Variants in ALK observed in about 807,000 individuals in gnomAD.
ALK encodes ALK receptor tyrosine kinase.
Under a neutral mutation model 163.1 loss-of-function variants are expected in ALK, and 74 were observed. The ratio of observed to expected loss-of-function variants is 0.45; its 90% CI spans 0.38 to 0.55. The LOEUF is 0.55. ALK is among the 20% of genes least tolerant of loss of function. ALK has a pLI of 0.00. For missense variants in ALK, 2,063 were observed against 2,105.3 expected (o/e 0.98, Z 0.39); for synonymous variants, 960 against 843.2 (o/e 1.14, Z -2.40).
intron 2 of ALK, among the ~76,000 whole-genome samples, chr2:29,697,188 G>A (rs111852265): frequency 2.0e-4 from 30 of 152,244 alleles, no homozygotes; most frequent in African/African-American, 6.7e-4. Context: ...ATAAGGGAAA[G>A]GCCATAGGTA....
chr2:29,386,443 A>T (rs560527438), intron 4 of ALK, among the ~76,000 whole-genome samples: 1 of 152,370 alleles, frequency 6.6e-6, no homozygotes, highest in African/African-American at 2.4e-5. Context: ...AGTGGTTCTT[A>T]AGGAGATAAA....
chr2:29,858,053 G>A (rs1174666773), intron 1 of ALK, among the ~76,000 whole-genome samples: 2 of 58,988 alleles, frequency 3.4e-5, no homozygotes, highest in Non-Finnish European at 8.4e-5. Context: ...GTGTATGTGT[G>A]TGTGCATGTG....
At chr2:29,245,850 C>T (rs1457835745) in intron 12 of ALK, among the ~76,000 whole-genome samples, 1 of 152,084 alleles carries the variant, frequency 6.6e-6, no homozygotes, top group Non-Finnish European at 1.5e-5. Context: ...ACAGTTGGGG[C>T]TCCATGGCTC....
chr2:29,822,524 A>C (rs1263911652), intron 1 of ALK, among the ~76,000 whole-genome samples: 1 of 152,222 alleles, frequency 6.6e-6, no homozygotes, highest in Non-Finnish European at 1.5e-5. Context: ...TTCAGCCAGC[A>C]GTGGCTATGA....
rs1669743213 is a variant in ALK, at chr2:29,412,285, A to G, written c.1155-28426T>C. ...ACTTCTCCATTTCACTGAGACAGCA[A>G]TTCAGGAAGGCATCTTGGAGGAGGA... is the stretch of plus-strand genomic sequence containing the variant. On this transcript the variant is annotated intron_variant, in intron 4 of 28. Coordinates refer to ENST00000389048, the MANE Select transcript of ALK (RefSeq NM_004304.5). 2.0e-5 allele frequency among the ~76,000 whole-genome samples: 3 copies of G among 152,200 alleles called. No homozygotes were observed. The South Asian group carries it at 6.2e-4, about 31-fold the overall frequency.
At chr2:29,474,808 GT>G (rs1671462894) in intron 4 of ALK, among the ~76,000 whole-genome samples, 1 of 146,804 alleles carries the variant, frequency 6.8e-6, no homozygotes, top group Non-Finnish European at 1.5e-5. Context: ...TGCGATATAA[GT>G]GGGGGAGAGG....
At chr2:29,754,040 A>C (rs1412615150) in intron 1 of ALK, among the ~76,000 whole-genome samples, 2 of 152,180 alleles carry the variant, frequency 1.3e-5, no homozygotes. Flanking sequence ...GGAAAAAAAA[A>C]ATCCAAACAA....
Position 29,629,762 on chromosome 2 carries a change from C to G in ALK, c.952+65088G>C, listed in dbSNP as rs184067343. 2.0e-4 allele frequency among the ~76,000 whole-genome samples: 31 copies of G among 152,256 alleles called. No individual in the cohort carries two copies. In the East Asian group the frequency reaches 4.6e-3, roughly 23 times the overall value. ...CTTGGCTAATCCTGACAGCAACCCT[C>G]TGAGGTACAGACAGTTATTAGTCTC... is the stretch of plus-strand genomic sequence containing the variant. On this transcript the variant is annotated intron_variant, in intron 3 of 28. Transcript: ENST00000389048.
chr2:29,649,843 C>T (rs996733345), intron 3 of ALK, among the ~76,000 whole-genome samples: 1 of 152,128 alleles, frequency 6.6e-6, no homozygotes, highest in Non-Finnish European at 1.5e-5. Context: ...ACTTTGGCCC[C>T]CCATGGCCTG....
chr2:29,866,379 A>G (rs1666434852), intron 1 of ALK, among the ~76,000 whole-genome samples: 1 of 152,176 alleles, frequency 6.6e-6, no homozygotes, highest in South Asian at 2.1e-4. Flanking sequence ...GCAACTCGAC[A>G]CGCAATGCTC....
chr2:29,447,737 C>A (rs573586751), intron 4 of ALK, among the ~76,000 whole-genome samples: 2 of 152,280 alleles, frequency 1.3e-5, no homozygotes, highest in South Asian at 4.1e-4. Flanking sequence ...CACAGGCCCT[C>A]CAGGTAGCTC....
intron 24 of ALK, among the ~76,000 whole-genome samples, chr2:29,210,998 G>GA (rs1486226608): frequency 2.0e-5 from 3 of 152,136 alleles, no homozygotes; most frequent in Non-Finnish European, 4.4e-5. Context: ...TCCTGTGCAG[G>GA]AAAAAACAAG....
intron 4 of ALK, among the ~76,000 whole-genome samples, chr2:29,510,410 T>A (rs950574680): frequency 1.3e-5 from 2 of 152,112 alleles, no homozygotes; most frequent in East Asian, 1.9e-4. Context: ...GCATAAAACA[T>A]GGCCCCAAAA....
rs1000960289 is a variant in ALK at position 29,921,300 on chromosome 2, C to T, written c.-641G>A. The T allele has an allele frequency of 8.6e-6, 2 of 233,408 alleles. No individual in the cohort carries two copies. Among genetic ancestry groups the T allele is most frequent in the Non-Finnish European group, 1.7e-5 (2 of 118,156 alleles). The allele number at this position is 233,408 out of a possible 1,614,324, so 14.5% of individuals were successfully genotyped here. A position where few individuals can be genotyped will look rare whatever the true frequency, so the allele number is the denominator to read the frequency against. On this transcript the variant is annotated 5_prime_UTR_variant, in exon 1 of 29. Transcript: ENST00000389048. Reference sequence around the variant, plus strand: ...GAACTTCTGGGCGTGAATCCCAGCCCCCGCGCTGCGCAAGTTTGCAGCGTC... The same window carrying T: ...GAACTTCTGGGCGTGAATCCCAGCCTCCGCGCTGCGCAAGTTTGCAGCGTC...
chr2:29,440,778 T>C (rs1429524813), intron 4 of ALK, among the ~76,000 whole-genome samples: 1 of 152,238 alleles, frequency 6.6e-6, no homozygotes, highest in Non-Finnish European at 1.5e-5. Context: ...CACTCTTTGA[T>C]GCCAAAGTGA....
intron 4 of ALK, among the ~76,000 whole-genome samples, chr2:29,488,451 T>G (rs1410100611): frequency 6.6e-6 from 1 of 152,090 alleles, no homozygotes; most frequent in Non-Finnish European, 1.5e-5. Flanking sequence ...AGAACAGCGC[T>G]AGTTCAGGGT....
intron 4 of ALK, among the ~76,000 whole-genome samples, chr2:29,485,366 G>C (rs1407949315): frequency 1.3e-5 from 2 of 152,056 alleles, no homozygotes; most frequent in African/African-American, 2.4e-5. Flanking sequence ...TTTTATTTTA[G>C]TGACCATCTT....
At chr2:29,497,150 T>C (rs1015572039) in intron 4 of ALK, among the ~76,000 whole-genome samples, 1 of 152,040 alleles carries the variant, frequency 6.6e-6, no homozygotes, top group African/African-American at 2.4e-5. Context: ...TGGGCGCCTG[T>C]AATCTCAGCT....
At chr2:29,290,857 G>A (rs964580237) in intron 9 of ALK, among the ~76,000 whole-genome samples, 1 of 152,152 alleles carries the variant, frequency 6.6e-6, no homozygotes, top group Admixed American at 6.5e-5. Flanking sequence ...CAATGGCCTG[G>A]AAGGATAAGG....
Sources: gnomAD v4.1 joint callset for allele counts (sites outside exome capture counted in the v4.1 genomes callset) on GRCh38, gnomAD v4.1.1 for gene constraint, MANE v1.5 for transcripts, NCBI Gene and HGNC (gene_info 2026-07-23, HGNC 2026-07-21) for gene names.